ELAPOR1: variants seen among roughly 807,000 people sequenced by gnomAD.
The protein encoded by ELAPOR1 is endosome-lysosome associated apoptosis and autophagy regulator 1.
ELAPOR1 carries 77 observed loss-of-function variants against 119.7 expected under a neutral mutation model. That is an observed-to-expected ratio of 0.64 (90% CI 0.54 to 0.78). The LOEUF is 0.78. Among genes scored for constraint, ELAPOR1 ranks in the 30% least tolerant of loss-of-function variants. The pLI is 0.00. For missense variants in ELAPOR1, 1,115 were observed against 1,270.4 expected, an observed-to-expected ratio of 0.88 and a Z score of 1.86; for synonymous variants, 481 against 487.2, an observed-to-expected ratio of 0.99 and a Z score of 0.17.
intron 7 of ELAPOR1, among the ~76,000 whole-genome samples, chr1:109,183,784 T>A (rs1056898991): frequency 2.6e-5 from 4 of 152,046 alleles, no homozygotes; most frequent in Non-Finnish European, 5.9e-5. Context: ...GCCCGGCTAA[T>A]TTTTGTATTT....
chr1:109,200,030 T>C, intron 19 of ELAPOR1, 29 bp from the exon 20 acceptor site: 2 of 1,613,212 alleles, frequency 1.2e-6, no homozygotes, highest in Non-Finnish European at 1.7e-6. Context: ...GAATGGGAGA[T>C]CTGAGTTCCT....
intron 5 of ELAPOR1, among the ~76,000 whole-genome samples, chr1:109,173,097 CAAAAAAAAAA>C (rs58149393): frequency 1.1e-4 from 10 of 91,922 alleles, no homozygotes; most frequent in African/African-American, 3.8e-4. Context: ...AACTCTGTCT[CAAAAAAAAAA>C]AAAAAAAAAA....
chr1:109,184,277 A>G (rs1652919758), intron 7 of ELAPOR1, among the ~76,000 whole-genome samples: 1 of 152,128 alleles, frequency 6.6e-6, no homozygotes, highest in Non-Finnish European at 1.5e-5. Flanking sequence ...AAGCTGAGGC[A>G]GGAGAATCAC....
chr1:109,164,618 C>G lies in ELAPOR1; in HGVS notation c.394C>G (p.His132Asp). Residue 132 changes from histidine (H) to aspartate (D), a missense_variant, in exon 3 of 22, where the codon CAT (histidine) becomes GAT (aspartate). His to Asp is a moderately conservative substitution (Grantham distance 81, BLOSUM62 -1). Transcript: ENST00000369939. ...GTTTGATGAGTGGGATGAGCTGCCC[C>G]ATGGCTTTGCCAGCCTCTCAGCCAA... ...IRFDEWDELP[H>D]GFASLSANME... 4.3e-6 allele frequency: 7 copies of G among 1,614,270 alleles called. No homozygotes were observed. Among genetic ancestry groups the G allele is most frequent in the Non-Finnish European group, 5.1e-6 (6 of 1,180,048 alleles).
At chr1:109,174,081 T>C (rs1001306104) in intron 7 of ELAPOR1, among the ~76,000 whole-genome samples, 5 of 147,880 alleles carry the variant, frequency 3.4e-5, no homozygotes, top group Admixed American at 2.0e-4. Context: ...GGTGCGATCA[T>C]AGCTCACTGC....
At position 109,205,149 on chromosome 1, in the gene ELAPOR1, AT is replaced by A. The variant is rs1478308079; in HGVS notation, c.*2139del. The A allele has an allele frequency of 1.3e-5, 2 of 152,172 alleles. No homozygotes were observed. The highest frequency in any genetic ancestry group is 4.8e-5 in the African/African-American group (2 of 41,430). 9.4% of individuals were successfully genotyped at this position (152,172 alleles called of 1,614,324 possible). A position where few individuals can be genotyped will look rare whatever the true frequency, so the allele number is the denominator to read the frequency against. On this transcript the variant is annotated 3_prime_UTR_variant, in exon 22 of 22. Transcript: ENST00000369939. ...GGGTAAAACCAGAGCAAGACTTTAA[AT>A]TACCTTCTTCTTTCTTCTACTGGCA...
At position 109,194,524 on chromosome 1, in the gene ELAPOR1, G is replaced by A; in HGVS notation, c.2051G>A (p.Gly684Glu). ...TTGGCAAACACTGTCACTCTTGCTGGAGGGCCAAGCTTCACTTCCAAAGGG... is the reference window on the plus strand; with the variant it reads ...TTGGCAAACACTGTCACTCTTGCTGAAGGGCCAAGCTTCACTTCCAAAGGG... ...SALANTVTLA[G>E]GPSFTSKGLK... is the part of the protein sequence containing the mutation. Residue 684 changes from glycine (G) to glutamate (E), a missense_variant, in exon 15 of 22, where the codon GGA becomes GAA. Transcript: ENST00000369939. 1 of 1,613,978 alleles carries A rather than the reference G, an allele frequency of 6.2e-7. No homozygotes were observed. The highest frequency in any genetic ancestry group is 8.5e-7 in the Non-Finnish European group (1 of 1,179,808).
intron 7 of ELAPOR1, among the ~76,000 whole-genome samples, chr1:109,180,003 G>A (rs1196981882): frequency 6.6e-6 from 1 of 152,198 alleles, no homozygotes; most frequent in Non-Finnish European, 1.5e-5. Flanking sequence ...GGAGGCAGAG[G>A]CTGTGGTAGG....
rs191123427 is a variant in ELAPOR1 at position 109,192,819 on chromosome 1, A to C, written c.1892A>C (p.Gln631Pro). The C allele has an allele frequency of 1.1e-5, 17 of 1,614,136 alleles. No homozygotes were observed. The Admixed American group carries it at 2.5e-4, about 24-fold the overall frequency. ...CPTNTILKAH[Q>P]PYGVQACVPC... ...ACTAACACAATTCTGAAAGCCCACC[A>C]GCCTTATGGTGTCCAGGCCTGTGTG... The change falls in exon 14 of 22, where the codon CAG becomes CCG. Residue 631 changes from glutamine to proline, a missense_variant. Physicochemically the swap from Gln to Pro is moderately conservative, Grantham distance 76. Transcript: ENST00000369939.
intron 7 of ELAPOR1, among the ~76,000 whole-genome samples, chr1:109,178,686 CG>C (rs1253493626): frequency 2.0e-5 from 3 of 151,964 alleles, no homozygotes; most frequent in Non-Finnish European, 4.4e-5. Context: ...GGAGGTGGGC[CG>C]GGTGTGGCGG....
rs1653020589 is a variant in ELAPOR1 at position 109,186,020 on chromosome 1, A to G, written c.1041+887A>G. 2.0e-5 allele frequency among the ~76,000 whole-genome samples: 3 copies of G among 151,994 alleles called. No individual in the cohort carries two copies. In the South Asian group the frequency reaches 6.2e-4, roughly 32 times the overall value. Reference sequence around the variant, plus strand: ...TGTTGGGGAGGGAGTGGAGAGAGAGATAATAGACAACAAATGGGTATATAA... The same window carrying G: ...TGTTGGGGAGGGAGTGGAGAGAGAGGTAATAGACAACAAATGGGTATATAA... On this transcript the variant is annotated intron_variant, in intron 8 of 21. Transcript: ENST00000369939.
chr1:109,201,260 G>C, intron 21 of ELAPOR1: 1 of 455,822 alleles, frequency 2.2e-6, no homozygotes, highest in Non-Finnish European at 4.4e-6. Context: ...TGATCTCTGG[G>C]ATCAACTTCT....
At chr1:109,175,283 A>G (rs963508795) in intron 7 of ELAPOR1, among the ~76,000 whole-genome samples, 1 of 149,282 alleles carries the variant, frequency 6.7e-6, no homozygotes, top group Non-Finnish European at 1.5e-5. Flanking sequence ...GCTCACCACA[A>G]CCTCTGCCTC....
intron 2 of ELAPOR1, 89 bp downstream of exon 2, chr1:109,162,103 GCAGAGCAGCTGCATTAAGGAAT>G (rs1651304414): frequency 1.4e-6 from 2 of 1,420,510 alleles, no homozygotes; most frequent in South Asian, 2.6e-5. Flanking sequence ...GCCCTTCCTG[GCAGAGCAGCTGCATTAAGGAAT>G]CAGATCTTTT....
At chr1:109,185,343 T>C (rs74113785) in intron 8 of ELAPOR1, among the ~76,000 whole-genome samples, 21,188 of 152,186 alleles carry the variant, frequency 0.14, 1,715 homozygotes, top group African/African-American at 0.19. Flanking sequence ...TTTGCAGCGT[T>C]TGTTTCACTG....
At chr1:109,183,636 C>T (rs12082079) in intron 7 of ELAPOR1, among the ~76,000 whole-genome samples, 92 of 133,868 alleles carry the variant, frequency 6.9e-4, no homozygotes, top group South Asian at 1.7e-3. Context: ...TTCCTTCCTT[C>T]CTAACAGAGT....
chr1:109,177,972 G>A (rs763290037), intron 7 of ELAPOR1, among the ~76,000 whole-genome samples: 2 of 151,032 alleles, frequency 1.3e-5, no homozygotes, highest in Admixed American at 6.6e-5. Flanking sequence ...TTCTCAATGT[G>A]CCCCATTGAC....
chr1:109,168,832 A>C (rs796757727), intron 3 of ELAPOR1, among the ~76,000 whole-genome samples: 42 of 152,324 alleles, frequency 2.8e-4, no homozygotes, highest in African/African-American at 9.9e-4. Flanking sequence ...GTAAGGATTG[A>C]TGAGATGATA....
chr1:109,150,494 C>G (rs979250905), intron 1 of ELAPOR1, among the ~76,000 whole-genome samples: 2 of 152,090 alleles, frequency 1.3e-5, no homozygotes, highest in African/African-American at 4.8e-5. Flanking sequence ...GGTGCTTGCT[C>G]TGGGGGAGAG....
Sources: gnomAD v4.1 joint callset for allele counts (sites outside exome capture counted in the v4.1 genomes callset) on GRCh38, gnomAD v4.1.1 for gene constraint, MANE v1.5 for transcripts, NCBI Gene and HGNC (gene_info 2026-07-23, HGNC 2026-07-21) for gene names.